The following CA10 variants were observed in gnomAD, a reference collection of about 807,000 sequenced individuals.
CA10 encodes the protein carbonic anhydrase-related protein 10.
CA10 carries 14 observed loss-of-function variants against 44.2 expected under a neutral mutation model. The ratio of observed to expected loss-of-function variants is 0.32; its 90% CI spans 0.21 to 0.50. The LOEUF (loss-of-function observed/expected upper bound fraction) is 0.50. Among genes scored for constraint, CA10 ranks in the 20% least tolerant of loss-of-function variants. The probability of loss-of-function intolerance (pLI) is 0.99; values close to 1 mark genes in which losing one functional copy is unlikely to be tolerated. For synonymous variants in CA10, 159 were observed against 141.6 expected (o/e 1.12, Z -0.87); for missense variants, 350 against 409.7 (o/e 0.85, Z 1.26).
intron 4 of CA10, among the ~76,000 whole-genome samples, chr17:51,712,787 G>A (rs1598002374): frequency 3.3e-5 from 5 of 152,288 alleles, no homozygotes; most frequent in Admixed American, 1.3e-4. Flanking sequence ...AGGTCTCTAC[G>A]CACAACACTT....
At chr17:51,922,564 C>T (rs762950201) in intron 3 of CA10, among the ~76,000 whole-genome samples, 23 of 152,178 alleles carry the variant, frequency 1.5e-4, no homozygotes, top group Non-Finnish European at 3.4e-4. Flanking sequence ...TCTCCTGCAT[C>T]TCTACATGCC....
In CA10 at chr17:51,784,071, C is replaced by G. The variant is rs144708929; in HGVS notation, c.280-36253G>C. Among the ~76,000 whole-genome samples, 6 of 152,228 alleles carry G rather than the reference C, an allele frequency of 3.9e-5. No individual in the cohort carries two copies. In the South Asian group the frequency reaches 6.2e-4, roughly 16 times the overall value. ...CACTGTGTATATGGTACCTGACCCC[C>G]CTTCTCTACCTCTCCTTGTCTAGGG... On this transcript the variant is annotated intron_variant, in intron 3 of 8. Transcript: ENST00000451037.
intron 2 of CA10, among the ~76,000 whole-genome samples, chr17:51,940,617 T>G (rs1364349626): frequency 6.6e-6 from 1 of 151,836 alleles, no homozygotes; most frequent in Non-Finnish European, 1.5e-5. Flanking sequence ...ATCGCCCTGA[T>G]TCTCACCAGT....
At chr17:52,080,619 C>T (rs1012575704) in intron 1 of CA10, among the ~76,000 whole-genome samples, 5 of 152,048 alleles carry the variant, frequency 3.3e-5, no homozygotes, top group African/African-American at 1.2e-4. Context: ...TTTGGGTTTA[C>T]CACACATTTA....
intron 3 of CA10, among the ~76,000 whole-genome samples, chr17:51,854,750 G>T (rs1017596938): frequency 2.6e-5 from 4 of 152,176 alleles, no homozygotes; most frequent in Non-Finnish European, 5.9e-5. Context: ...GAAGGAACTG[G>T]AGCATATTCA....
intron 4 of CA10, among the ~76,000 whole-genome samples, chr17:51,708,600 G>C (rs1915832761): frequency 6.6e-6 from 1 of 152,172 alleles, no homozygotes; most frequent in Non-Finnish European, 1.5e-5. Flanking sequence ...AGGATGCAAA[G>C]TATTTTTCCT....
intron 2 of CA10, among the ~76,000 whole-genome samples, chr17:51,933,405 G>T (rs1039266649): frequency 6.6e-6 from 1 of 152,010 alleles, no homozygotes; most frequent in African/African-American, 2.4e-5. Context: ...CTTTGAAGAT[G>T]GAGGAAGGGG....
At chr17:52,028,116 G>T (rs2144167147) in intron 2 of CA10, among the ~76,000 whole-genome samples, 1 of 152,222 alleles carries the variant, frequency 6.6e-6, no homozygotes, top group Admixed American at 6.5e-5. Context: ...AGATAATAAA[G>T]GTGAGAACCA....
chr17:52,029,129 T>C (rs1234451668), intron 2 of CA10, among the ~76,000 whole-genome samples: 2 of 152,194 alleles, frequency 1.3e-5, no homozygotes, highest in Non-Finnish European at 2.9e-5. Context: ...AAGTTAATTC[T>C]ACAACTTAAT....
chr17:51,815,251 A>C (rs1010555991), intron 3 of CA10, among the ~76,000 whole-genome samples: 1 of 152,118 alleles, frequency 6.6e-6, no homozygotes, highest in South Asian at 2.1e-4. Context: ...TCTACAACAA[A>C]GAATTATCCT....
chr17:51,932,416 C>T (rs1023289657), intron 2 of CA10, among the ~76,000 whole-genome samples: 6 of 152,094 alleles, frequency 3.9e-5, no homozygotes, highest in African/African-American at 1.4e-4. Context: ...GAGACACTTG[C>T]CAAAGATACT....
At chr17:51,973,279 T>C (rs117563048) in intron 2 of CA10, among the ~76,000 whole-genome samples, 96 of 152,302 alleles carry the variant, frequency 6.3e-4, no homozygotes, top group East Asian at 4.4e-3. Context: ...TCTTGACATA[T>C]GGAGTGGAGC....
In CA10 at chr17:51,931,043, T is replaced by C; in HGVS notation, c.226A>G (p.Met76Val). The change falls in exon 3 of 9, where the codon ATG (methionine) becomes GTG (valine). Residue 76 changes from methionine (M) to valine (V), a missense_variant. Physicochemically the swap from Met to Val is conservative, Grantham distance 21. Coordinates refer to ENST00000451037, the MANE Select transcript of CA10 (RefSeq NM_020178.5). Reference protein sequence around the residue: ...QSPVNIETSHMIFDPFLTPLR... With the variant: ...QSPVNIETSHVIFDPFLTPLR... ...GGTGTCAGAAAGGGGTCGAAGATCA[T>C]GTGACTGGTCTCTATGTTGACTGGC... The C allele has an allele frequency of 1.9e-6, 3 of 1,613,638 alleles. No individual in the cohort carries two copies. The highest frequency in any genetic ancestry group is 1.7e-6 in the Non-Finnish European group (2 of 1,179,674).
intron 3 of CA10, among the ~76,000 whole-genome samples, chr17:51,883,576 T>C (rs945906997): frequency 7.9e-5 from 12 of 152,184 alleles, no homozygotes; most frequent in Non-Finnish European, 1.6e-4. Context: ...ACTTGACCCA[T>C]GAACAGCTCC....
chr17:51,849,233 GTATATATA>G (rs1217693250), intron 3 of CA10, among the ~76,000 whole-genome samples: 968 of 39,906 alleles, frequency 0.024, 34 homozygotes, highest in Middle Eastern at 0.11. Context: ...ATATGTGTGT[GTATATATA>G]TATATATATA....
chr17:51,913,626 G>A (rs973189020), intron 3 of CA10, among the ~76,000 whole-genome samples: 3 of 151,526 alleles, frequency 2.0e-5, no homozygotes, highest in Admixed American at 2.0e-4. Context: ...TTTCAGCAGT[G>A]CTTGCAAGAG....
At position 51,988,773 on chromosome 17, in the gene CA10, A is replaced by G. The variant is rs188024649; in HGVS notation, c.137-57641T>C. The stretch of plus-strand genomic sequence containing the variant: ...AGGGCACACTGTTCAATAGAGATAC[A>G]ATAGGAGATGCATATATAATTTTAA... On this transcript the variant is annotated intron_variant, in intron 2 of 8. Coordinates refer to ENST00000451037, the MANE Select transcript of CA10 (RefSeq NM_020178.5). Among the ~76,000 whole-genome samples the G allele has an allele frequency of 3.1e-3, 470 of 152,142 alleles. 2 individuals are homozygous for G. The highest frequency in any genetic ancestry group is 9.8e-3 in the African/African-American group (409 of 41,554).
At chr17:51,636,856 C>T (rs751534030) in intron 6 of CA10, among the ~76,000 whole-genome samples, 1 of 151,178 alleles carries the variant, frequency 6.6e-6, no homozygotes, top group Non-Finnish European at 1.5e-5. Context: ...TTTTCTCTTA[C>T]ACCAATTTGA....
chr17:51,964,209 G>A lies in CA10; in HGVS notation c.137-33077C>T, dbSNP rs1470687749. Among the ~76,000 whole-genome samples the A allele has an allele frequency of 3.3e-5, 5 of 151,880 alleles. No homozygotes were observed. The East Asian group carries it at 9.6e-4, about 29-fold the overall frequency. On this transcript the variant is annotated intron_variant, in intron 2 of 8. Transcript: ENST00000451037. ...GAAAAAAGGTTCAATTCAACAAGAA[G>A]CCTTTACTATCCTAAATATATATGC...
Sources: allele counts gnomAD v4.1 joint callset (sites outside exome capture counted in the v4.1 genomes callset), GRCh38; gene constraint gnomAD v4.1.1; transcripts MANE v1.5; gene names NCBI Gene and HGNC (gene_info 2026-07-23, HGNC 2026-07-21).